The following TMTC2 variants were observed in gnomAD, a reference collection of about 807,000 sequenced individuals.
TMTC2 encodes the protein transmembrane O-mannosyltransferase targeting cadherins 2, also known as protein O-mannosyl-transferase TMTC2.
TMTC2 carries 43 observed loss-of-function variants against 82.4 expected under a neutral mutation model. The observed-to-expected ratio is 0.52, with a 90% CI of 0.41 to 0.67. The LOEUF is 0.67. TMTC2 is among the 30% of genes least tolerant of loss of function. The pLI is 0.00. For missense variants in TMTC2, 919 were observed against 1,012.4 expected (o/e 0.91, Z 1.25); for synonymous variants, 408 against 381.9 (o/e 1.07, Z -0.80).
chr12:82,768,302 C>T (rs1356756804), intron 1 of TMTC2, among the ~76,000 whole-genome samples: 4 of 152,152 alleles, frequency 2.6e-5, no homozygotes, highest in Admixed American at 2.6e-4. Flanking sequence ...TTGCTTTGAT[C>T]GTAACACCTG....
chr12:83,110,759 A>G (rs1206885248), intron 11 of TMTC2, among the ~76,000 whole-genome samples: 1 of 152,056 alleles, frequency 6.6e-6, no homozygotes, highest in Non-Finnish European at 1.5e-5. Flanking sequence ...CATCAATCCA[A>G]TGTCTTTAAC....
intron 4 of TMTC2, among the ~76,000 whole-genome samples, chr12:82,949,037 C>T (rs749379720): frequency 6.6e-6 from 1 of 152,088 alleles, no homozygotes; most frequent in Non-Finnish European, 1.5e-5. Context: ...ATGGTACTTT[C>T]AAAATATGTT....
chr12:82,729,703 G>A (rs1874666752), intron 1 of TMTC2, among the ~76,000 whole-genome samples: 2 of 152,194 alleles, frequency 1.3e-5, no homozygotes, highest in African/African-American at 4.8e-5. Context: ...ATGTGGGTGG[G>A]GCCAGATAGA....
intron 1 of TMTC2, among the ~76,000 whole-genome samples, chr12:82,798,476 GACA>G (rs1878833272): frequency 9.0e-6 from 1 of 111,424 alleles, no homozygotes. Flanking sequence ...CGGCCTGCGC[GACA>G]GAGGGAGACT....
chr12:82,864,556 C>T (rs1871725354), intron 2 of TMTC2, among the ~76,000 whole-genome samples: 1 of 137,576 alleles, frequency 7.3e-6, no homozygotes. Flanking sequence ...CGCTGGAGTG[C>T]AGTGGCGCAA....
At chr12:83,008,661 CTTTG>C (rs1236630401) in intron 8 of TMTC2, among the ~76,000 whole-genome samples, 1 of 152,076 alleles carries the variant, frequency 6.6e-6, no homozygotes, top group African/African-American at 2.4e-5. Context: ...TGTCTTTGGA[CTTTG>C]TTTTTCTAAT....
chr12:82,804,556 A>T (rs1879156136), intron 1 of TMTC2, among the ~76,000 whole-genome samples: 2 of 152,096 alleles, frequency 1.3e-5, no homozygotes, highest in Admixed American at 1.3e-4. Context: ...TGCTTAGCTA[A>T]ATATTTTTTT....
intron 1 of TMTC2, among the ~76,000 whole-genome samples, chr12:82,698,260 C>T (rs778274269): frequency 3.9e-5 from 6 of 152,146 alleles, no homozygotes; most frequent in Admixed American, 6.5e-5. Flanking sequence ...GGGTTGTGAA[C>T]GAATGCTGGA....
chr12:82,848,629 A>G (rs1287756847), intron 1 of TMTC2, among the ~76,000 whole-genome samples: 1 of 152,112 alleles, frequency 6.6e-6, no homozygotes, highest in African/African-American at 2.4e-5. Context: ...CAGACATTCC[A>G]TTTTATTGGG....
chr12:82,704,224 G>C (rs962150057), intron 1 of TMTC2, among the ~76,000 whole-genome samples: 1 of 152,022 alleles, frequency 6.6e-6, no homozygotes, highest in African/African-American at 2.4e-5. Context: ...AGCATCTTAA[G>C]TTTAAATTTT....
At position 82,895,839 on chromosome 12, in the gene TMTC2, C is replaced by G. The variant is rs757561110; in HGVS notation, c.676C>G (p.Leu226Val). Reference protein sequence around the residue: ...IYKRKNLSLFLSISLLIFWGS... With the variant: ...IYKRKNLSLFVSISLLIFWGS... ...TCAGAGGAAGAACTTGTCGCTTTTC[C>G]TAAGCATTAGTTTGTTAATTTTCTG... Residue 226 changes from leucine to valine, a missense_variant, in exon 3 of 12, where the codon CTA becomes GTA. Coordinates refer to ENST00000321196, the MANE Select transcript of TMTC2 (RefSeq NM_152588.3). 2 of 1,606,850 alleles carry G rather than the reference C, an allele frequency of 1.2e-6. No individual in the cohort carries two copies. The highest frequency in any genetic ancestry group is 2.2e-5 in the South Asian group (2 of 90,414).
intron 8 of TMTC2, chr12:82,986,471 A>G (rs575925078): frequency 1.3e-5 from 2 of 157,514 alleles, no homozygotes; most frequent in Admixed American, 1.2e-4. Context: ...TTTGAAAAAT[A>G]TAAATGGAGA....
At chr12:82,796,740 C>G (rs148986064) in intron 1 of TMTC2, among the ~76,000 whole-genome samples, 1 of 152,178 alleles carries the variant, frequency 6.6e-6, no homozygotes, top group African/African-American at 2.4e-5. Flanking sequence ...TTCTATTAAG[C>G]AGAGTGGTCT....
At position 83,079,794 on chromosome 12, in the gene TMTC2, T is replaced by A. The variant is rs563605904; in HGVS notation, c.2331+17963T>A. 2.7e-4 allele frequency among the ~76,000 whole-genome samples: 41 copies of A among 152,244 alleles called. No homozygotes were observed. In the South Asian group the frequency reaches 3.1e-3, roughly 12 times the overall value. ...ACCTAAACAACAAATCCAAAATACATGGACATATATCTTAATTTATTTGCT... is the reference window on the plus strand; with the variant it reads ...ACCTAAACAACAAATCCAAAATACAAGGACATATATCTTAATTTATTTGCT... On this transcript the variant is annotated intron_variant, in intron 11 of 11. Transcript: ENST00000321196.
chr12:82,897,641 C>T (rs2137183272), intron 3 of TMTC2, among the ~76,000 whole-genome samples: 1 of 152,142 alleles, frequency 6.6e-6, no homozygotes, highest in East Asian at 1.9e-4. Context: ...TTCTCCTCCT[C>T]CAGACTCCAG....
At chr12:82,889,267 CAA>C (rs1273833107) in intron 2 of TMTC2, among the ~76,000 whole-genome samples, 2 of 87,304 alleles carry the variant, frequency 2.3e-5, no homozygotes, top group Admixed American at 1.2e-4. Context: ...ACAGAGTCTC[CAA>C]AAAAAAAAAA....
At chr12:83,034,783 C>G (rs894595433) in intron 9 of TMTC2, among the ~76,000 whole-genome samples, 1 of 152,098 alleles carries the variant, frequency 6.6e-6, no homozygotes, top group African/African-American at 2.4e-5. Context: ...ATATTGAGCT[C>G]AGTTAGGAAT....
At chr12:82,741,692 A>G (rs1445130568) in intron 1 of TMTC2, among the ~76,000 whole-genome samples, 1 of 152,244 alleles carries the variant, frequency 6.6e-6, no homozygotes, top group Admixed American at 6.5e-5. Context: ...GTAATCAAAT[A>G]GAAGAAATTT....
intron 4 of TMTC2, among the ~76,000 whole-genome samples, chr12:82,962,064 G>A (rs992199160): frequency 6.6e-6 from 1 of 151,972 alleles, no homozygotes; most frequent in Non-Finnish European, 1.5e-5. Context: ...GAGTGACTAG[G>A]ATCCGGCCCC....
Sources: gnomAD v4.1 joint callset for allele counts (sites outside exome capture counted in the v4.1 genomes callset) on GRCh38, gnomAD v4.1.1 for gene constraint, MANE v1.5 for transcripts, NCBI Gene and HGNC (gene_info 2026-07-23, HGNC 2026-07-21) for gene names.